SOCS2: variants seen among roughly 807,000 people sequenced by gnomAD.
The protein encoded by SOCS2 is CIS-2.
SOCS2 carries 10 observed loss-of-function variants against 18.6 expected under a neutral mutation model. That is an observed-to-expected ratio of 0.54 (90% CI 0.33 to 0.91). The LOEUF is 0.91. SOCS2 is among the 40% of genes least tolerant of loss of function. SOCS2 has a pLI of 0.02. For missense variants in SOCS2, 231 were observed against 247.2 expected, an observed-to-expected ratio of 0.93 and a Z score of 0.44; for synonymous variants, 104 against 104.0, an observed-to-expected ratio of 1.00 and a Z score of 0.00.
chr12:93,572,872 G>A lies in SOCS2; in HGVS notation c.-26G>A. On this transcript the variant is annotated 5_prime_UTR_variant, in exon 1 of 2. Coordinates refer to ENST00000551556, the MANE Select transcript of SOCS2 (RefSeq NM_001270471.2). The surrounding 1 kb of genome is among the most constrained non-coding windows in gnomAD (Gnocchi z 5.0). ...CTGACCCCAGCTCGGGCGGCCACCT[G>A]TCTTTGCCGCGGTGACCCTTCTCTC... The A allele has an allele frequency of 6.4e-7, 1 of 1,563,118 alleles. No individual in the cohort carries two copies. The highest frequency in any genetic ancestry group is 8.7e-7 in the Non-Finnish European group (1 of 1,153,170).
chr12:93,581,024 C>G (rs1418333110), downstream of SOCS2, among the ~76,000 whole-genome samples: 1 of 152,100 alleles, frequency 6.6e-6, no homozygotes, highest in Non-Finnish European at 1.5e-5. Flanking sequence ...TTTTCCTTGT[C>G]CATCATGTGA....
chr12:93,586,400 A>G (rs1954585311), downstream of SOCS2, among the ~76,000 whole-genome samples: 1 of 152,244 alleles, frequency 6.6e-6, no homozygotes, highest in Admixed American at 6.5e-5. Context: ...ATTAGAGAGT[A>G]AATGGACTTT....
the SOCS2 span, among the ~76,000 whole-genome samples, chr12:93,611,948 C>T: frequency 6.6e-6 from 1 of 151,976 alleles, no homozygotes; most frequent in African/African-American, 2.4e-5. Context: ...GCTCAGAGAA[C>T]TGCTTTTTTT....
At chr12:93,611,221 T>G in the SOCS2 span, among the ~76,000 whole-genome samples, 6 of 151,884 alleles carry the variant, frequency 4.0e-5, no homozygotes, top group Admixed American at 2.0e-4. Flanking sequence ...AATTAGGAAC[T>G]GTCAAAAAAT....
chr12:93,607,724 T>C, the SOCS2 span, among the ~76,000 whole-genome samples: 1 of 152,194 alleles, frequency 6.6e-6, no homozygotes, highest in South Asian at 2.1e-4. Context: ...CAAATATCAA[T>C]ATTTTAAATA....
chr12:93,590,589 G>A, the SOCS2 span, among the ~76,000 whole-genome samples: 2 of 151,742 alleles, frequency 1.3e-5, no homozygotes, highest in Non-Finnish European at 2.9e-5. Flanking sequence ...GAGGTCAGGA[G>A]ATCGAGACCA....
the SOCS2 span, among the ~76,000 whole-genome samples, chr12:93,604,294 A>G: frequency 6.6e-6 from 1 of 152,238 alleles, no homozygotes; most frequent in Non-Finnish European, 1.5e-5. Context: ...TACATGAATA[A>G]GCCATATATA....
intron 1 of SOCS2, chr12:93,574,042 C>T (rs1433882758): frequency 6.6e-6 from 1 of 152,156 alleles, no homozygotes; most frequent in East Asian, 1.9e-4. Context: ...AGATTGTAAA[C>T]TTGAAGTAGT....
At chr12:93,595,250 T>A in the SOCS2 span, among the ~76,000 whole-genome samples, 1 of 152,204 alleles carries the variant, frequency 6.6e-6, no homozygotes, top group Non-Finnish European at 1.5e-5. Flanking sequence ...CTTTAGGAAA[T>A]GCTTCACATA....
the SOCS2 span, among the ~76,000 whole-genome samples, chr12:93,597,183 G>C: frequency 1.3e-5 from 2 of 152,018 alleles, no homozygotes; most frequent in Non-Finnish European, 2.9e-5. Context: ...TTTATTACCT[G>C]TAGATTGGCG....
chr12:93,607,742 G>A, the SOCS2 span, among the ~76,000 whole-genome samples: 1 of 152,086 alleles, frequency 6.6e-6, no homozygotes, highest in Non-Finnish European at 1.5e-5. Flanking sequence ...ATAAAAATAC[G>A]CTGTCATTTG....
chr12:93,586,901 C>T (rs965245833), downstream of SOCS2, among the ~76,000 whole-genome samples: 2 of 152,232 alleles, frequency 1.3e-5, no homozygotes, highest in African/African-American at 4.8e-5. Context: ...GGCACAGTGG[C>T]TCACACCTGT....
downstream of SOCS2, among the ~76,000 whole-genome samples, chr12:93,584,949 G>A (rs191634484): frequency 1.3e-5 from 2 of 152,154 alleles, no homozygotes; most frequent in South Asian, 2.1e-4. Flanking sequence ...TTTTTGTAGA[G>A]ACAGCGTTTC....
At chr12:93,623,213 T>C in the SOCS2 span, among the ~76,000 whole-genome samples, 1 of 152,174 alleles carries the variant, frequency 6.6e-6, no homozygotes, top group African/African-American at 2.4e-5. Flanking sequence ...GATCTGATGG[T>C]TTAAGTGCCA....
At chr12:93,614,600 T>TTTCTTTCTTTCC in the SOCS2 span, among the ~76,000 whole-genome samples, 1 of 120,360 alleles carries the variant, frequency 8.3e-6, no homozygotes, top group Non-Finnish European at 1.7e-5. Context: ...TCTTTCTTTC[T>TTTCTTTCTTTCC]TTCTTTCTTT....
upstream of SOCS2, chr12:93,572,405 T>G (rs1307050387): frequency 6.0e-6 from 2 of 335,832 alleles, no homozygotes; most frequent in Admixed American, 4.0e-5. The surrounding 1 kb of genome is among the most constrained non-coding windows in gnomAD (Gnocchi z 5.0). Flanking sequence ...AGGTCGCCAG[T>G]CTTTGATTTC....
chr12:93,572,918 G>GC lies in SOCS2; in HGVS notation c.24dup (p.Ser9LeufsTer48). ...CTCTCATGACCCTGCGGTGCCTTGA[G>GC]CCCTCCGGGAATGGCGGGGAAGGGA... is the stretch of plus-strand genomic sequence containing the variant. On this transcript the variant is annotated frameshift_variant, in exon 1 of 2. Coordinates refer to ENST00000551556, the MANE Select transcript of SOCS2 (RefSeq NM_001270471.2). LOFTEE classifies it high-confidence loss of function. This position sits in a 1 kb window ranked among gnomAD's most constrained non-coding sequence, Gnocchi z 5.0. The GC allele has an allele frequency of 6.3e-7, 1 of 1,581,558 alleles. No individual in the cohort carries two copies. Among genetic ancestry groups the GC allele is most frequent in the Non-Finnish European group, 8.6e-7 (1 of 1,163,354 alleles).
At chr12:93,609,288 A>G in the SOCS2 span, among the ~76,000 whole-genome samples, 4 of 152,116 alleles carry the variant, frequency 2.6e-5, no homozygotes, top group Admixed American at 6.5e-5. Context: ...GCTACTCGGG[A>G]GGCTAAGGCA....
At chr12:93,588,197 TGA>T (rs969929180), downstream of SOCS2, among the ~76,000 whole-genome samples, 1 of 152,192 alleles carries the variant, frequency 6.6e-6, no homozygotes, top group Non-Finnish European at 1.5e-5. Flanking sequence ...ACAGAAGATG[TGA>T]GTTTATCACC....
Sources: gnomAD v4.1 joint callset for allele counts (sites outside exome capture counted in the v4.1 genomes callset) on GRCh38, gnomAD v4.1.1 for gene constraint, Gnocchi (gnomAD v3.1) non-coding constraint, MANE v1.5 for transcripts, NCBI Gene and HGNC (gene_info 2026-07-23, HGNC 2026-07-21) for gene names.